The following CEP128 variants were observed in gnomAD, a reference collection of about 807,000 sequenced individuals.
CEP128 encodes the protein centrosomal protein 128kDa.
In CEP128, 132 loss-of-function variants were observed where a neutral mutation model predicts 156.7. The observed-to-expected ratio is 0.84, with a 90% CI of 0.73 to 0.97. The LOEUF (loss-of-function observed/expected upper bound fraction) is 0.97. CEP128 is among the 50% of genes least tolerant of loss of function. CEP128 has a pLI of 0.00. For synonymous variants in CEP128, 469 were observed against 448.9 expected, an observed-to-expected ratio of 1.04 and a Z score of -0.57; for missense variants, 1,252 against 1,281.9, an observed-to-expected ratio of 0.98 and a Z score of 0.36.
chr14:80,682,629 A>G (rs1282246383), intron 19 of CEP128, among the ~76,000 whole-genome samples: 23 of 152,196 alleles, frequency 1.5e-4, no homozygotes, highest in Admixed American at 1.5e-3. Context: ...AATATCATCA[A>G]GGAATATAGT....
intron 19 of CEP128, among the ~76,000 whole-genome samples, chr14:80,590,607 C>A (rs1892013182): frequency 2.0e-5 from 3 of 150,662 alleles, no homozygotes; most frequent in Admixed American, 2.0e-4. Context: ...AAAAGAAATT[C>A]TCTAAAAAGA....
intron 19 of CEP128, among the ~76,000 whole-genome samples, chr14:80,609,691 T>C (rs187170265): frequency 9.2e-5 from 14 of 152,196 alleles, no homozygotes; most frequent in Admixed American, 7.2e-4. Flanking sequence ...TTAACCTCAA[T>C]GTAAACAGCA....
intron 3 of CEP128, 28 bp from the exon 4 acceptor site, chr14:80,914,436 T>C (rs763475347): frequency 2.0e-6 from 3 of 1,530,402 alleles, no homozygotes; most frequent in Non-Finnish European, 2.7e-6. Flanking sequence ...ACTGAATTAA[T>C]TATTCCAAAT....
rs138265806 is a variant in CEP128 at position 80,568,937 on chromosome 14, A to G, written c.2857-9635T>C. Among the ~76,000 whole-genome samples the G allele has an allele frequency of 3.0e-3, 452 of 152,268 alleles. 2 individuals are homozygous for G. Among genetic ancestry groups the G allele is most frequent in the Middle Eastern group, 0.017 (5 of 294 alleles). On this transcript the variant is annotated intron_variant, in intron 20 of 24. Coordinates refer to ENST00000555265, the MANE Select transcript of CEP128 (RefSeq NM_152446.5). ...AGTCCCAAATATCCTAAATATTCCT[A>G]CCTATGAAATACTTAACTGCTTTTT...
chr14:80,614,229 C>T (rs966272062), intron 19 of CEP128, among the ~76,000 whole-genome samples: 1 of 152,158 alleles, frequency 6.6e-6, no homozygotes, highest in South Asian at 2.1e-4. Flanking sequence ...TATTACAGCT[C>T]ATTTTGTTTC....
At chr14:80,940,802 T>C (rs1356854939) in intron 1 of CEP128, among the ~76,000 whole-genome samples, 1 of 152,264 alleles carries the variant, frequency 6.6e-6, no homozygotes, top group Non-Finnish European at 1.5e-5. Context: ...ATGTGGGTAC[T>C]ACAAAATTTA....
At chr14:80,905,664 G>A (rs573091908) in intron 5 of CEP128, 4 of 266,072 alleles carry the variant, frequency 1.5e-5, no homozygotes, top group African/African-American at 4.6e-5. Context: ...ATCACATAGC[G>A]AATTTATGTA....
intron 8 of CEP128, among the ~76,000 whole-genome samples, chr14:80,881,485 G>C (rs1237052580): frequency 7.4e-6 from 1 of 135,536 alleles, no homozygotes; most frequent in African/African-American, 2.9e-5. Context: ...TTGAATTCTA[G>C]CAAACATTTA....
At chr14:80,519,191 C>A (rs564959541) in intron 23 of CEP128, among the ~76,000 whole-genome samples, 4 of 152,188 alleles carry the variant, frequency 2.6e-5, no homozygotes, top group African/African-American at 9.7e-5. Context: ...AGCTAGTTAG[C>A]CAGAATTCTC....
chr14:80,679,488 G>GTC (rs932243667), intron 19 of CEP128, among the ~76,000 whole-genome samples: 1 of 152,036 alleles, frequency 6.6e-6, no homozygotes, highest in African/African-American at 2.4e-5. Context: ...ATACGCCCTG[G>GTC]TCTCCCACAG....
chr14:80,495,392 C>T (rs1227451184), downstream of CEP128, among the ~76,000 whole-genome samples: 2 of 152,060 alleles, frequency 1.3e-5, no homozygotes, highest in Non-Finnish European at 2.9e-5. Context: ...AAACAGGAGG[C>T]CAAGGAATTT....
chr14:80,573,966 C>T (rs1040670850), intron 20 of CEP128, among the ~76,000 whole-genome samples: 4 of 152,082 alleles, frequency 2.6e-5, no homozygotes, highest in African/African-American at 7.2e-5. Flanking sequence ...CATAGAGATA[C>T]GCAGTTATTT....
chr14:80,645,085 A>G (rs6574595), intron 19 of CEP128, among the ~76,000 whole-genome samples: 44,623 of 151,956 alleles, frequency 0.29, 8,500 homozygotes, highest in African/African-American at 0.53. Flanking sequence ...ATTTTTCATC[A>G]ACAAGTTGAA....
At chr14:80,642,729 G>T (rs546726821) in intron 19 of CEP128, among the ~76,000 whole-genome samples, 3 of 150,732 alleles carry the variant, frequency 2.0e-5, no homozygotes, top group East Asian at 3.9e-4. Flanking sequence ...TTCATTAAAA[G>T]AATTAAAAAG....
At chr14:80,563,977 C>A (rs1167998759) in intron 20 of CEP128, among the ~76,000 whole-genome samples, 1 of 151,954 alleles carries the variant, frequency 6.6e-6, no homozygotes, top group Non-Finnish European at 1.5e-5. Context: ...AAGAAATAAA[C>A]AATTATGACT....
At chr14:80,915,382 T>C (rs1884489354) in intron 3 of CEP128, among the ~76,000 whole-genome samples, 1 of 152,216 alleles carries the variant, frequency 6.6e-6, no homozygotes, top group Non-Finnish European at 1.5e-5. Flanking sequence ...AATCAATGCA[T>C]GGCTTCGCCA....
At chr14:80,890,726 T>A (rs894713137) in intron 8 of CEP128, among the ~76,000 whole-genome samples, 1 of 152,152 alleles carries the variant, frequency 6.6e-6, no homozygotes, top group Admixed American at 6.5e-5. Flanking sequence ...CAAACCACCA[T>A]GGTGCATGTA....
intron 8 of CEP128, among the ~76,000 whole-genome samples, chr14:80,877,850 G>C (rs2556607): frequency 0.41 from 61,994 of 151,966 alleles, 13,019 homozygotes; most frequent in South Asian, 0.51. Flanking sequence ...TCTCACAACA[G>C]TTGCCACAGA....
intron 13 of CEP128, among the ~76,000 whole-genome samples, chr14:80,798,459 C>T (rs1172994275): frequency 6.6e-6 from 1 of 152,186 alleles, no homozygotes; most frequent in Non-Finnish European, 1.5e-5. Flanking sequence ...TCTGACAACA[C>T]ATATAAAGTG....
Sources: gnomAD v4.1 joint callset for allele counts (sites outside exome capture counted in the v4.1 genomes callset) on GRCh38, gnomAD v4.1.1 for gene constraint, MANE v1.5 for transcripts, NCBI Gene and HGNC (gene_info 2026-07-23, HGNC 2026-07-21) for gene names.